The following MYT1L variants were observed in gnomAD, a reference collection of about 807,000 sequenced individuals.
The protein encoded by MYT1L is myelin transcription factor 1 like.
Under a neutral mutation model 126.7 loss-of-function variants are expected in MYT1L, and 12 were observed. The observed-to-expected ratio is 0.09, with a 90% confidence interval of 0.06 to 0.15. The LOEUF (loss-of-function observed/expected upper bound fraction) is 0.15, where lower values mean the gene tolerates loss of function less well. MYT1L is among the 10% of genes least tolerant of loss of function. MYT1L has a pLI of 1.00. For synonymous variants in MYT1L, 541 were observed against 604.2 expected (o/e 0.90, Z 1.53); for missense variants, 979 against 1,585.2 (o/e 0.62, Z 6.49).
Position 2,185,994 on chromosome 2 carries a change from C to T in MYT1L, c.-420-13006G>A, listed in dbSNP as rs573695431. On this transcript the variant is annotated intron_variant, in intron 2 of 24. Transcript: ENST00000647738. ...CGTTCCTTCCTTGAGGGGGACGCAGCCAGGCCTTCCGGGCCTTCCCGAGTC... is the reference window on the plus strand; with the variant it reads ...CGTTCCTTCCTTGAGGGGGACGCAGTCAGGCCTTCCGGGCCTTCCCGAGTC... Among the ~76,000 whole-genome samples the T allele has an allele frequency of 7.8e-4, 94 of 120,156 alleles. 13 individuals are homozygous for T. Among genetic ancestry groups the T allele is most frequent in the African/African-American group, 3.4e-3 (89 of 26,252 alleles). The allele number at this position is 120,156 out of a possible 152,430, so 78.8% of individuals were successfully genotyped here. A position where few individuals can be genotyped will look rare whatever the true frequency, so the allele number is the denominator to read the frequency against.
At chr2:1,809,571 A>G (rs187745206) in intron 21 of MYT1L, among the ~76,000 whole-genome samples, 38 of 152,332 alleles carry the variant, frequency 2.5e-4, no homozygotes, top group Admixed American at 1.8e-3. Flanking sequence ...TGGGTTTAAA[A>G]GTTAATTTCA....
At chr2:2,213,329 T>G (rs1444349260) in intron 2 of MYT1L, among the ~76,000 whole-genome samples, 2 of 152,074 alleles carry the variant, frequency 1.3e-5, no homozygotes, top group Non-Finnish European at 2.9e-5. Context: ...AGACAGAGCT[T>G]AGTGTCCAGG....
At chr2:1,842,934 T>TCCGCTTCCAGGCGCTC in intron 19 of MYT1L, 1 of 167,256 alleles carries the variant, frequency 6.0e-6, no homozygotes, top group African/African-American at 2.5e-5. Context: ...TCCAGGCGCT[T>TCCGCTTCCAGGCGCTC]CCGCTTCCAG....
intron 3 of MYT1L, among the ~76,000 whole-genome samples, chr2:2,141,251 A>G (rs546045889): frequency 1.3e-5 from 2 of 152,338 alleles, no homozygotes; most frequent in East Asian, 1.9e-4. Flanking sequence ...TGTAAATGGG[A>G]TCCCACAGGT....
chr2:1,884,508 AAG>A lies in MYT1L; in HGVS notation c.2711+2029_2711+2030del, dbSNP rs749564948. On this transcript the variant is annotated intron_variant, in intron 18 of 24. Transcript: ENST00000647738. ...GGTCACCAATTACAAGGTTAAAGCA[AAG>A]AAATTATAACATGTGGTTATACCAT... Among the ~76,000 whole-genome samples, 25 of 152,356 alleles carry A rather than the reference AAG, an allele frequency of 1.6e-4. 1 individual carries two copies. In the South Asian group the frequency reaches 1.9e-3, roughly 11 times the overall value.
At chr2:1,871,862 T>G (rs2046322850) in intron 18 of MYT1L, among the ~76,000 whole-genome samples, 1 of 152,180 alleles carries the variant, frequency 6.6e-6, no homozygotes, top group Admixed American at 6.5e-5. Context: ...ACCAAAATTG[T>G]TATCACTGAT....
intron 2 of MYT1L, among the ~76,000 whole-genome samples, chr2:2,173,542 T>C (rs548911093): frequency 6.6e-6 from 1 of 152,346 alleles, no homozygotes; most frequent in South Asian, 2.1e-4. Flanking sequence ...TTCTATCATG[T>C]TTTTCTGCAA....
chr2:1,819,290 C>T (rs1263696620), intron 21 of MYT1L, among the ~76,000 whole-genome samples: 3 of 152,226 alleles, frequency 2.0e-5, no homozygotes, highest in African/African-American at 7.2e-5. Context: ...GCAACACTTA[C>T]CTCCTGTCCT....
At chr2:1,854,149 A>G (rs896137820) in intron 18 of MYT1L, among the ~76,000 whole-genome samples, 2 of 151,088 alleles carry the variant, frequency 1.3e-5, no homozygotes, top group Non-Finnish European at 3.0e-5. Context: ...ATAATTGATG[A>G]CTCTTGCTGC....
intron 19 of MYT1L, 150 bp downstream of exon 19, chr2:1,851,491 C>T (rs1398172495): frequency 1.5e-5 from 11 of 711,946 alleles, no homozygotes; most frequent in African/African-American, 7.1e-5. Flanking sequence ...CCAATGAGGA[C>T]GTCACTGCTT....
At chr2:2,137,155 G>A (rs1236309831) in intron 3 of MYT1L, among the ~76,000 whole-genome samples, 1 of 152,094 alleles carries the variant, frequency 6.6e-6, no homozygotes, top group Non-Finnish European at 1.5e-5. Context: ...CCTCTTCAAG[G>A]AGAACTACAA....
At chr2:1,945,029 A>T (rs2057067643) in intron 8 of MYT1L, among the ~76,000 whole-genome samples, 1 of 152,190 alleles carries the variant, frequency 6.6e-6, no homozygotes, top group Admixed American at 6.5e-5. Flanking sequence ...ATCCCAATTA[A>T]AACAATCTGC....
intron 4 of MYT1L, among the ~76,000 whole-genome samples, chr2:2,052,010 A>G (rs1190208755): frequency 6.6e-6 from 1 of 152,212 alleles, no homozygotes; most frequent in Non-Finnish European, 1.5e-5. Context: ...GAAAAAGAAC[A>G]TAGTTAGAAA....
At chr2:2,315,721 A>G (rs2096055297) in intron 1 of MYT1L, among the ~76,000 whole-genome samples, 1 of 152,212 alleles carries the variant, frequency 6.6e-6, no homozygotes, top group South Asian at 2.1e-4. Context: ...ATGATCTTCC[A>G]AAAGTATGAG....
intron 18 of MYT1L, among the ~76,000 whole-genome samples, chr2:1,866,562 G>A (rs1160774533): frequency 1.5e-5 from 2 of 132,928 alleles, no homozygotes; most frequent in African/African-American, 2.9e-5. Flanking sequence ...AGAGGGAGAG[G>A]GAAGGGGAGA....
intron 14 of MYT1L, chr2:1,902,827 C>T (rs183651873): frequency 1.0e-4 from 50 of 492,094 alleles, no homozygotes; most frequent in East Asian, 6.3e-4. Flanking sequence ...CCACATTCCA[C>T]GAGCAGCCGA....
chr2:1,889,138 G>C lies in MYT1L; in HGVS notation c.2520+103C>G, dbSNP rs2048510275. 4 of 869,250 alleles carry C rather than the reference G, an allele frequency of 4.6e-6. No individual in the cohort carries two copies. Among genetic ancestry groups the C allele is most frequent in the Non-Finnish European group, 7.0e-6 (4 of 570,108 alleles). The allele number at this position is 869,250 out of a possible 1,614,324, so 53.8% of individuals were successfully genotyped here. On this transcript the variant is annotated intron_variant, in intron 16 of 24. Coordinates refer to ENST00000647738, the MANE Select transcript of MYT1L (RefSeq NM_001303052.2). This position sits in a 1 kb window ranked among gnomAD's most constrained non-coding sequence, Gnocchi z 4.1. ...CTCAGCTAAAGGTCATATTTAAAGA[G>C]AAAATATATTTTCTCATAACGTATG...
Position 2,261,142 on chromosome 2 carries a change from C to CGTGTGT in MYT1L, c.-421+23256_-421+23261dup, listed in dbSNP as rs10604026. Among the ~76,000 whole-genome samples the CGTGTGT allele has an allele frequency of 4.4e-3, 658 of 149,204 alleles. 2 individuals carry two copies. Among genetic ancestry groups the CGTGTGT allele is most frequent in the African/African-American group, 0.015 (619 of 40,624 alleles). ...GCTGGGGTGCATGTGTGTGTGAGTG[C>CGTGTGT]GTGTGTGTGTGTGTGTGTGTGTGTG... On this transcript the variant is annotated intron_variant, in intron 2 of 24. Transcript: ENST00000647738.
At chr2:1,871,592 G>A (rs766611433) in intron 18 of MYT1L, among the ~76,000 whole-genome samples, 1 of 152,198 alleles carries the variant, frequency 6.6e-6, no homozygotes, top group Non-Finnish European at 1.5e-5. Flanking sequence ...GGTGGCTAGA[G>A]GGGTGAAGGG....
Sources: gnomAD v4.1 joint callset for allele counts (sites outside exome capture counted in the v4.1 genomes callset) on GRCh38, gnomAD v4.1.1 for gene constraint, Gnocchi (gnomAD v3.1) non-coding constraint, MANE v1.5 for transcripts, NCBI Gene and HGNC (gene_info 2026-07-23, HGNC 2026-07-21) for gene names.